The following NEMP2 variants were observed in gnomAD, a reference collection of about 807,000 sequenced individuals.
The protein encoded by NEMP2 is nuclear envelope integral membrane protein 2.
Under a neutral mutation model 54.2 loss-of-function variants are expected in NEMP2, and 53 were observed. That is an observed-to-expected ratio of 0.98 (90% confidence interval 0.78 to 1.23). The LOEUF (loss-of-function observed/expected upper bound fraction) is 1.23. NEMP2 is among the 50% of genes most tolerant of loss of function. The probability of loss-of-function intolerance (pLI) is 0.00; values close to 1 mark genes in which losing one functional copy is unlikely to be tolerated. For synonymous variants in NEMP2, 197 were observed against 190.3 expected (o/e 1.04, Z -0.29); for missense variants, 455 against 511.3 (o/e 0.89, Z 1.06).
chr2:190,591,587 A>G, the NEMP2 span, among the ~76,000 whole-genome samples: 4 of 152,216 alleles, frequency 2.6e-5, no homozygotes, highest in Non-Finnish European at 5.9e-5. The surrounding 1 kb of genome is among the most constrained non-coding windows in gnomAD (Gnocchi z 5.4). Context: ...TGTGGTCACT[A>G]TAAAGCATGA....
the NEMP2 span, among the ~76,000 whole-genome samples, chr2:190,461,701 A>T: frequency 1.4e-4 from 22 of 152,210 alleles, no homozygotes; most frequent in Middle Eastern, 6.8e-3. This position sits in a 1 kb window ranked among gnomAD's most constrained non-coding sequence, Gnocchi z 5.5. Context: ...TCTTTTACCC[A>T]CTCATGAGGG....
At chr2:190,421,819 A>G in the NEMP2 span, among the ~76,000 whole-genome samples, 2 of 152,330 alleles carry the variant, frequency 1.3e-5, no homozygotes, top group South Asian at 4.1e-4. Context: ...CCAAAATAGT[A>G]GGATTATCAC....
At chr2:190,572,087 G>GT in the NEMP2 span, among the ~76,000 whole-genome samples, 229 of 151,898 alleles carry the variant, frequency 1.5e-3, no homozygotes, top group Non-Finnish European at 2.3e-3. Flanking sequence ...ATTTTCTGGG[G>GT]TTTTTTTTAA....
the NEMP2 span, among the ~76,000 whole-genome samples, chr2:190,611,952 C>A: frequency 2.0e-5 from 3 of 152,094 alleles, no homozygotes. This position sits in a 1 kb window ranked among gnomAD's most constrained non-coding sequence, Gnocchi z 5.4. Flanking sequence ...GTGTCCCAGG[C>A]CTTACCTAGC....
At chr2:190,436,937 C>A in the NEMP2 span, 1 of 1,614,220 alleles carries the variant, frequency 6.2e-7, no homozygotes, top group Non-Finnish European at 8.5e-7. The surrounding 1 kb of genome is among the most constrained non-coding windows in gnomAD (Gnocchi z 5.3). Flanking sequence ...TTTTTCAGTG[C>A]CTCTTCTGTC....
the NEMP2 span, among the ~76,000 whole-genome samples, chr2:190,464,428 G>A: frequency 1.3e-5 from 2 of 152,088 alleles, no homozygotes; most frequent in African/African-American, 4.8e-5. Context: ...GTCTTTCTTT[G>A]CTGCTCACAC....
chr2:190,546,327 T>A, the NEMP2 span, among the ~76,000 whole-genome samples: 1 of 152,180 alleles, frequency 6.6e-6, no homozygotes, highest in East Asian at 1.9e-4. The surrounding 1 kb of genome is among the most constrained non-coding windows in gnomAD (Gnocchi z 5.1). Flanking sequence ...GCTTGGGATT[T>A]ACATTGTATT....
At chr2:190,563,679 A>C in the NEMP2 span, among the ~76,000 whole-genome samples, 3 of 152,188 alleles carry the variant, frequency 2.0e-5, no homozygotes, top group African/African-American at 7.2e-5. The surrounding 1 kb of genome is among the most constrained non-coding windows in gnomAD (Gnocchi z 4.3). Flanking sequence ...GAAATATTTC[A>C]CTCACATTTT....
the NEMP2 span, among the ~76,000 whole-genome samples, chr2:190,554,028 G>A: frequency 6.6e-6 from 1 of 152,330 alleles, no homozygotes; most frequent in Admixed American, 6.5e-5. The surrounding 1 kb of genome is among the most constrained non-coding windows in gnomAD (Gnocchi z 5.7). Flanking sequence ...CTGAAGCAGG[G>A]TGGGGCATCG....
At chr2:190,449,857 A>C in the NEMP2 span, among the ~76,000 whole-genome samples, 137 of 151,648 alleles carry the variant, frequency 9.0e-4, no homozygotes, top group South Asian at 8.4e-3. Context: ...CACTCTGGGG[A>C]CTGTTGTGGG....
chr2:190,500,788 G>A (rs1689988299), downstream of NEMP2: 2 of 152,638 alleles, frequency 1.3e-5, no homozygotes, highest in African/African-American at 2.4e-5. This position sits in a 1 kb window ranked among gnomAD's most constrained non-coding sequence, Gnocchi z 5.3. Context: ...GAAGTTAAAA[G>A]TTTCATCAGA....
At chr2:190,540,380 C>T in the NEMP2 span, among the ~76,000 whole-genome samples, 3 of 151,836 alleles carry the variant, frequency 2.0e-5, no homozygotes, top group Admixed American at 2.0e-4. Context: ...ACCCCCCAGG[C>T]TCAAATGATC....
intron 6 of NEMP2, among the ~76,000 whole-genome samples, chr2:190,515,039 T>C (rs774021120): frequency 3.3e-5 from 5 of 152,138 alleles, no homozygotes; most frequent in African/African-American, 4.8e-5. Context: ...TTTTACCTTC[T>C]TGTCATGAAA....
chr2:190,431,664 A>G, the NEMP2 span, among the ~76,000 whole-genome samples: 1 of 152,176 alleles, frequency 6.6e-6, no homozygotes, highest in Non-Finnish European at 1.5e-5. The surrounding 1 kb of genome is among the most constrained non-coding windows in gnomAD (Gnocchi z 4.4). Flanking sequence ...AGTACAGTCC[A>G]GCTTCGGCTC....
Position 190,534,660 on chromosome 2 carries a change from T to G in NEMP2, c.-5A>C, listed in dbSNP as rs1574325032. On this transcript the variant is annotated 5_prime_UTR_variant, in exon 1 of 9. Transcript: ENST00000409150. ...CCGCCCTTGGCGCGGCCCCATTTCG[T>G]TAGGGGTCAGCTCCGTGCGACCCGA... 1.5e-6 allele frequency: 2 copies of G among 1,311,444 alleles called. No individual in the cohort carries two copies. The highest frequency in any genetic ancestry group is 3.1e-5 in the African/African-American group (2 of 64,902). The allele number at this position is 1,311,444 out of a possible 1,614,324, so 81.2% of individuals were successfully genotyped here.
chr2:190,581,907 G>T, the NEMP2 span, among the ~76,000 whole-genome samples: 1 of 152,058 alleles, frequency 6.6e-6, no homozygotes, highest in Non-Finnish European at 1.5e-5. Context: ...GCCATGATGG[G>T]AGTATTTACA....
the NEMP2 span, chr2:190,616,980 G>C: frequency 6.6e-6 from 1 of 151,926 alleles, no homozygotes; most frequent in Non-Finnish European, 1.5e-5. The surrounding 1 kb of genome is among the most constrained non-coding windows in gnomAD (Gnocchi z 5.1). Context: ...GAAAAAAAAG[G>C]CAGGTGTGGT....
the NEMP2 span, among the ~76,000 whole-genome samples, chr2:190,558,415 A>G: frequency 6.6e-6 from 1 of 152,230 alleles, no homozygotes; most frequent in Non-Finnish European, 1.5e-5. This position sits in a 1 kb window ranked among gnomAD's most constrained non-coding sequence, Gnocchi z 4.4. Context: ...GCACATGTAT[A>G]CCTATGTAAC....
chr2:190,474,004 T>G, the NEMP2 span, among the ~76,000 whole-genome samples: 1 of 151,980 alleles, frequency 6.6e-6, no homozygotes, highest in Non-Finnish European at 1.5e-5. Flanking sequence ...ATAAAGATGC[T>G]CTTTGAAACC....
Sources: gnomAD v4.1 joint callset for allele counts (sites outside exome capture counted in the v4.1 genomes callset) on GRCh38, gnomAD v4.1.1 for gene constraint, Gnocchi (gnomAD v3.1) non-coding constraint, MANE v1.5 for transcripts, NCBI Gene and HGNC (gene_info 2026-07-23, HGNC 2026-07-21) for gene names.